Variants in XRN1 observed in about 807,000 individuals in gnomAD.
XRN1 encodes the protein 5'-3' exoribonuclease 1.
XRN1 carries 67 observed loss-of-function variants against 222.3 expected under a neutral mutation model. The observed-to-expected ratio is 0.30, with a 90% CI of 0.25 to 0.37. The LOEUF (loss-of-function observed/expected upper bound fraction) is 0.37, where lower values mean the gene tolerates loss of function less well. Ranked by LOEUF, XRN1 falls within the 10% of genes least tolerant of loss-of-function variation. The pLI, the probability that XRN1 is intolerant of heterozygous loss-of-function variation, is 1.00. For synonymous variants in XRN1, 643 were observed against 652.4 expected (o/e 0.99, Z 0.22); for missense variants, 1,707 against 2,000.2 (o/e 0.85, Z 2.80).
chr3:142,341,189 T>G (rs2065983216), intron 33 of XRN1, among the ~76,000 whole-genome samples: 1 of 152,094 alleles, frequency 6.6e-6, no homozygotes. Context: ...ATTAGTTTTC[T>G]TTTTGTTTAT....
chr3:142,335,614 AT>A, intron 33 of XRN1, 105 bp from the exon 34 acceptor site: 1 of 998,992 alleles, frequency 1.0e-6, no homozygotes, highest in Non-Finnish European at 1.5e-6. Flanking sequence ...AATTCAGAGA[AT>A]TTCAAGACAC....
chr3:142,408,745 A>G (rs537365789), intron 15 of XRN1, among the ~76,000 whole-genome samples: 15 of 152,320 alleles, frequency 9.8e-5, no homozygotes, highest in African/African-American at 3.6e-4. Flanking sequence ...GGTTAGGTGT[A>G]TAATTTACTT....
In XRN1 at chr3:142,403,776, T is replaced by A. The variant is rs758900413; in HGVS notation, c.2005-4A>T. ...CACCACTTTTCTTCAAAAAAAACTT[T>A]AAAAGAATTCAAATAATTTAATTTT... On this transcript the variant is annotated splice_region_variant and splice_polypyrimidine_tract_variant and intron_variant, in intron 17 of 40. Coordinates refer to ENST00000392981, the MANE Select transcript of XRN1 (RefSeq NM_001282857.2). 6.2e-7 allele frequency: 1 copy of A among 1,611,754 alleles called. No individual in the cohort carries two copies. Among genetic ancestry groups the A allele is most frequent in the Admixed American group, 1.7e-5 (1 of 59,922 alleles).
In XRN1 at chr3:142,412,558, G is replaced by T. The variant is rs754018662; in HGVS notation, c.1699C>A (p.Pro567Thr). The T allele has an allele frequency of 6.2e-7, 1 of 1,605,474 alleles. No individual in the cohort carries two copies. Among genetic ancestry groups the T allele is most frequent in the Non-Finnish European group, 8.5e-7 (1 of 1,174,492 alleles). Residue 567 changes from proline to threonine, a missense_variant, in exon 15 of 41, where the codon CCT becomes ACT. By Grantham distance (38) the Pro-to-Thr change is conservative. Coordinates refer to ENST00000392981, the MANE Select transcript of XRN1 (RefSeq NM_001282857.2). ...CATGCACTGACCTCATCAATAAAAGGGATTAACACCACAGCTTCCCATTCC... is the reference window on the plus strand; with the variant it reads ...CATGCACTGACCTCATCAATAAAAGTGATTAACACCACAGCTTCCCATTCC... ...QQEWEAVVLI[P>T]FIDEKRLLEA...
At chr3:142,349,858 T>G (rs1304264465) in intron 32 of XRN1, among the ~76,000 whole-genome samples, 3 of 152,040 alleles carry the variant, frequency 2.0e-5, no homozygotes, top group African/African-American at 7.2e-5. Flanking sequence ...TAGCACCAAG[T>G]AAGAGGGGTT....
chr3:142,356,691 C>T (rs903126243), intron 31 of XRN1, among the ~76,000 whole-genome samples: 6 of 152,156 alleles, frequency 3.9e-5, no homozygotes, highest in African/African-American at 1.4e-4. Flanking sequence ...TATTTAAATA[C>T]ACTTTTTTCC....
chr3:142,416,444 A>G (rs1051288706), intron 13 of XRN1, among the ~76,000 whole-genome samples: 3 of 152,164 alleles, frequency 2.0e-5, no homozygotes, highest in Non-Finnish European at 4.4e-5. Context: ...TTGGCCTCCC[A>G]AAGCGATGGG....
At chr3:142,357,155 A>G (rs1334141086) in intron 30 of XRN1, 36 bp from the exon 31 acceptor site, 2 of 1,554,454 alleles carry the variant, frequency 1.3e-6, no homozygotes, top group African/African-American at 1.4e-5. Context: ...TGGAAGGAAA[A>G]CAATACTAAA....
chr3:142,409,728 G>A (rs182821793), intron 15 of XRN1, among the ~76,000 whole-genome samples: 3 of 152,094 alleles, frequency 2.0e-5, no homozygotes, highest in Non-Finnish European at 2.9e-5. Context: ...TGAATTTAAA[G>A]ATCAAATTGA....
chr3:142,441,180 T>C (rs191252808), intron 1 of XRN1, among the ~76,000 whole-genome samples: 13 of 152,352 alleles, frequency 8.5e-5, no homozygotes, highest in Admixed American at 5.9e-4. Flanking sequence ...ATCCAGCCTA[T>C]ACTGCTTATC....
At chr3:142,433,396 AATGTTAG>A (rs1226166259) in intron 1 of XRN1, among the ~76,000 whole-genome samples, 2 of 152,210 alleles carry the variant, frequency 1.3e-5, no homozygotes, top group Non-Finnish European at 2.9e-5. Flanking sequence ...TAATTTTTAA[AATGTTAG>A]ATTATGCCAA....
intron 37 of XRN1, among the ~76,000 whole-genome samples, chr3:142,328,306 C>T (rs62276395): frequency 8.5e-5 from 13 of 152,088 alleles, no homozygotes; most frequent in East Asian, 1.9e-4. Flanking sequence ...CTACTTTTGC[C>T]GTATCCTACA....
chr3:142,376,981 G>A (rs1479005016), intron 23 of XRN1, among the ~76,000 whole-genome samples: 2 of 151,922 alleles, frequency 1.3e-5, no homozygotes, highest in Non-Finnish European at 2.9e-5. Flanking sequence ...CAAAGTACTT[G>A]GGACAAAATG....
At chr3:142,414,069 C>G (rs2068692975) in intron 14 of XRN1, 66 bp downstream of exon 14, 2 of 1,407,140 alleles carry the variant, frequency 1.4e-6, no homozygotes, top group Non-Finnish European at 1.9e-6. Context: ...ATTATTGTTT[C>G]TAGGTTTGGA....
chr3:142,440,697 G>C (rs2070164448), intron 1 of XRN1, among the ~76,000 whole-genome samples: 1 of 152,134 alleles, frequency 6.6e-6, no homozygotes, highest in South Asian at 2.1e-4. Context: ...GAATGAGGCT[G>C]TTGTTCCTCT....
chr3:142,431,564 C>T (rs905986648), intron 2 of XRN1, among the ~76,000 whole-genome samples: 1 of 151,628 alleles, frequency 6.6e-6, no homozygotes, highest in East Asian at 1.9e-4. Flanking sequence ...CACCTGTAAT[C>T]CCAGCACTGT....
chr3:142,372,537 A>T (rs1400547608), intron 25 of XRN1, among the ~76,000 whole-genome samples: 1 of 152,198 alleles, frequency 6.6e-6, no homozygotes, highest in Non-Finnish European at 1.5e-5. Context: ...TGGGACAATC[A>T]GAATGTCTGG....
chr3:142,404,132 C>G, intron 16 of XRN1, 143 bp from the exon 17 acceptor site: 1 of 707,854 alleles, frequency 1.4e-6, no homozygotes. Flanking sequence ...AAAGAAAACA[C>G]AAGCAGATAA....
At chr3:142,320,161 T>A (rs890004423) in intron 37 of XRN1, among the ~76,000 whole-genome samples, 4 of 152,198 alleles carry the variant, frequency 2.6e-5, no homozygotes, top group Non-Finnish European at 5.9e-5. Flanking sequence ...ACTGTTTTCA[T>A]ACAGGTTGTA....
Sources: gnomAD v4.1 joint callset for allele counts (sites outside exome capture counted in the v4.1 genomes callset) on GRCh38, gnomAD v4.1.1 for gene constraint, MANE v1.5 for transcripts, NCBI Gene and HGNC (gene_info 2026-07-23, HGNC 2026-07-21) for gene names.